The following MAST4 variants were observed in gnomAD, a reference collection of about 807,000 sequenced individuals.
MAST4 encodes the protein microtubule-associated serine/threonine-protein kinase 4.
A neutral mutation model predicts 162.7 loss-of-function variants in MAST4; 89 were observed. That is an observed-to-expected ratio of 0.55 (90% CI 0.46 to 0.65). The LOEUF is 0.65. MAST4 is among the 30% of genes least tolerant of loss of function. MAST4 has a pLI of 0.00. For synonymous variants in MAST4, 1,479 were observed against 1,361.1 expected, an observed-to-expected ratio of 1.09 and a Z score of -1.91; for missense variants, 3,153 against 3,374.0, an observed-to-expected ratio of 0.93 and a Z score of 1.62.
At chr5:66,607,124 G>A (rs982709810) in intron 1 of MAST4, among the ~76,000 whole-genome samples, 1 of 152,118 alleles carries the variant, frequency 6.6e-6, no homozygotes, top group Non-Finnish European at 1.5e-5. Flanking sequence ...TGGGACAAGG[G>A]CAGGTTTGAG....
chr5:66,810,367 C>T (rs756153544), intron 3 of MAST4, among the ~76,000 whole-genome samples: 82 of 152,198 alleles, frequency 5.4e-4, no homozygotes, highest in Non-Finnish European at 1.1e-3. Flanking sequence ...GGCTGATAGA[C>T]GTTCTGCTAT....
chr5:67,092,402 G>A (rs1763962110), intron 6 of MAST4, among the ~76,000 whole-genome samples: 1 of 152,142 alleles, frequency 6.6e-6, no homozygotes, highest in South Asian at 2.1e-4. Context: ...AGATTTGAGA[G>A]TGAAATTATC....
intron 3 of MAST4, among the ~76,000 whole-genome samples, chr5:66,861,143 G>T (rs1331459659): frequency 6.6e-6 from 1 of 152,242 alleles, no homozygotes; most frequent in East Asian, 1.9e-4. Context: ...GAAGATGGGG[G>T]ATCCGAGGTA....
chr5:67,142,041 A>G, intron 19 of MAST4, 74 bp from the exon 20 acceptor site: 2 of 1,475,636 alleles, frequency 1.4e-6, no homozygotes, highest in South Asian at 2.6e-5. Flanking sequence ...ATTGTTGTTA[A>G]AAACTGATGT....
At chr5:66,879,865 C>T (rs1761575790) in intron 3 of MAST4, among the ~76,000 whole-genome samples, 1 of 152,184 alleles carries the variant, frequency 6.6e-6, no homozygotes, top group African/African-American at 2.4e-5. Flanking sequence ...ACAACTTCTG[C>T]AGATGGCAAA....
In MAST4 at chr5:67,166,542, C is replaced by T. The variant is rs543442394; in HGVS notation, c.7363C>T (p.Pro2455Ser). Residue 2455 changes from proline to serine, a missense_variant, in exon 29 of 29, where the codon CCG becomes TCG. Physicochemically the swap from Pro to Ser is moderately conservative, Grantham distance 74 (BLOSUM62 -1). Coordinates refer to ENST00000403625, the MANE Select transcript of MAST4 (RefSeq NM_001164664.2). ...GQSSFRSTAL[P>S]EKSLSCSSSF... is the part of the protein sequence containing the mutation. The stretch of plus-strand genomic sequence containing the variant: ...GAGTTCTTTCCGATCCACGGCCCTC[C>T]CGGAAAAGTCTCTGAGCTGCTCCTC... 8.7e-6 allele frequency: 14 copies of T among 1,607,500 alleles called. No individual in the cohort carries two copies. In the East Asian group the frequency reaches 2.7e-4, roughly 31 times the overall value.
At chr5:66,740,172 A>G (rs1015167521) in intron 1 of MAST4, among the ~76,000 whole-genome samples, 2 of 152,214 alleles carry the variant, frequency 1.3e-5, no homozygotes, top group African/African-American at 4.8e-5. Flanking sequence ...TCGAAAGGCC[A>G]TCTCATCACA....
At chr5:66,991,882 T>C (rs1259530470) in intron 4 of MAST4, among the ~76,000 whole-genome samples, 1 of 152,226 alleles carries the variant, frequency 6.6e-6, no homozygotes, top group African/African-American at 2.4e-5. Flanking sequence ...GCCTGGGCCT[T>C]CCTGCTTTTT....
intron 1 of MAST4, among the ~76,000 whole-genome samples, chr5:66,713,593 T>G (rs1457363274): frequency 6.6e-6 from 1 of 152,232 alleles, no homozygotes; most frequent in Non-Finnish European, 1.5e-5. Flanking sequence ...TCCGTTGCAT[T>G]TCTTCTTCAA....
intron 1 of MAST4, among the ~76,000 whole-genome samples, chr5:66,610,355 T>C (rs992988473): frequency 4.6e-5 from 7 of 152,226 alleles, no homozygotes; most frequent in African/African-American, 1.7e-4. Flanking sequence ...TAAATGGTGA[T>C]TCAGTTTCTA....
chr5:67,048,179 G>T (rs974085348), intron 4 of MAST4, among the ~76,000 whole-genome samples: 1 of 152,074 alleles, frequency 6.6e-6, no homozygotes, highest in African/African-American at 2.4e-5. Context: ...AATGCACAGA[G>T]TTCTAGATCT....
At chr5:66,624,367 A>T (rs1190636796) in intron 1 of MAST4, among the ~76,000 whole-genome samples, 1 of 151,756 alleles carries the variant, frequency 6.6e-6, no homozygotes. Flanking sequence ...ATTAGTCAGG[A>T]TGGTCTCAAT....
chr5:66,690,665 G>A (rs564690023), intron 1 of MAST4, among the ~76,000 whole-genome samples: 184 of 152,258 alleles, frequency 1.2e-3, no homozygotes, highest in Middle Eastern at 3.4e-3. Context: ...AGAAAACACC[G>A]TCATTTAAAG....
At position 67,129,702 on chromosome 5, in the gene MAST4, C is replaced by G. The variant is rs139388488; in HGVS notation, c.1746-508C>G. On this transcript the variant is annotated intron_variant, in intron 14 of 28. Transcript: ENST00000403625. ...TCATGCCACTGCACTCTAGCCTGGG[C>G]GACAGAGCAAGACTCCATCTCAAAA... is the stretch of plus-strand genomic sequence containing the variant. Among the ~76,000 whole-genome samples, 96 of 146,716 alleles carry G rather than the reference C, an allele frequency of 6.5e-4. 2 individuals are homozygous for G. In the South Asian group the frequency reaches 0.019, roughly 30 times the overall value.
intron 1 of MAST4, among the ~76,000 whole-genome samples, chr5:66,705,197 A>C (rs1750051985): frequency 6.6e-6 from 1 of 152,204 alleles, no homozygotes; most frequent in Admixed American, 6.5e-5. Context: ...TTCTGCTTGC[A>C]CAAATTCACT....
chr5:66,910,190 A>C (rs1763651010), intron 4 of MAST4, among the ~76,000 whole-genome samples: 1 of 152,180 alleles, frequency 6.6e-6, no homozygotes, highest in Admixed American at 6.5e-5. Context: ...ATATTTTGGA[A>C]AGCAAAGCCT....
At position 67,005,147 on chromosome 5, in the gene MAST4, C is replaced by T. The variant is rs201998533; in HGVS notation, c.675-49257C>T. The T allele has an allele frequency of 3.3e-4, 241 of 719,928 alleles. 1 individual carries two copies. The East Asian group carries it at 5.7e-3, about 17-fold the overall frequency. The allele number at this position is 719,928 out of a possible 1,614,324, so 44.6% of individuals were successfully genotyped here. A position where few individuals can be genotyped will look rare whatever the true frequency, so the allele number is the denominator to read the frequency against. ...CTTTCACTTCCCAGGGGCCCACAGGCGGAGCTGCCTGAGCCCCTCAGGAGC... is the reference window on the plus strand; with the variant it reads ...CTTTCACTTCCCAGGGGCCCACAGGTGGAGCTGCCTGAGCCCCTCAGGAGC... On this transcript the variant is annotated intron_variant, in intron 4 of 28. Coordinates refer to ENST00000403625, the MANE Select transcript of MAST4 (RefSeq NM_001164664.2).
At chr5:67,118,788 C>A in intron 13 of MAST4, 39 bp downstream of exon 13, 1 of 1,253,004 alleles carries the variant, frequency 8.0e-7, no homozygotes, top group Non-Finnish European at 1.1e-6. Context: ...GTTGGTTTTT[C>A]TGTTTAGCAT....
intron 1 of MAST4, among the ~76,000 whole-genome samples, chr5:66,626,340 G>A (rs992486883): frequency 6.6e-6 from 1 of 152,100 alleles, no homozygotes; most frequent in African/African-American, 2.4e-5. Flanking sequence ...GCATCAAGTT[G>A]TACCCCTTAA....
Sources: allele counts gnomAD v4.1 joint callset (sites outside exome capture counted in the v4.1 genomes callset), GRCh38; gene constraint gnomAD v4.1.1; transcripts MANE v1.5; gene names NCBI Gene and HGNC (gene_info 2026-07-23, HGNC 2026-07-21).